The following VSNL1 variants were observed in gnomAD, a reference collection of about 807,000 sequenced individuals.
The protein encoded by VSNL1 is visinin-like protein 1.
VSNL1 carries 6 observed loss-of-function variants against 20.4 expected under a neutral mutation model. The ratio of observed to expected loss-of-function variants is 0.29; its 90% CI spans 0.16 to 0.58. The LOEUF is 0.58. VSNL1 is among the 20% of genes least tolerant of loss of function. The pLI, the probability that VSNL1 is intolerant of heterozygous loss-of-function variation, is 0.90. For missense variants in VSNL1, 100 were observed against 234.5 expected (o/e 0.43, Z 3.75); for synonymous variants, 93 against 86.4 (o/e 1.08, Z -0.42).
intron 3 of VSNL1, among the ~76,000 whole-genome samples, chr2:17,650,429 G>A (rs1012826965): frequency 1.3e-5 from 2 of 152,250 alleles, no homozygotes; most frequent in African/African-American, 4.8e-5. Context: ...TGCCCTCACG[G>A]CTGCATGCCC....
chr2:17,571,140 G>A (rs2103356316), intron 1 of VSNL1, among the ~76,000 whole-genome samples: 1 of 152,218 alleles, frequency 6.6e-6, no homozygotes, highest in African/African-American at 2.4e-5. Flanking sequence ...GAAAGAAATA[G>A]ACTTATGATC....
chr2:17,584,194 C>G (rs1468827596), intron 1 of VSNL1, among the ~76,000 whole-genome samples: 1 of 151,920 alleles, frequency 6.6e-6, no homozygotes, highest in Non-Finnish European at 1.5e-5. Context: ...TACGCTAAGT[C>G]CAGATGAAAA....
At chr2:17,642,882 C>A (rs1418735750) in intron 2 of VSNL1, among the ~76,000 whole-genome samples, 1 of 152,080 alleles carries the variant, frequency 6.6e-6, no homozygotes, top group South Asian at 2.1e-4. Context: ...ATAATGGCTA[C>A]CTTTTGTAAT....
intron 2 of VSNL1, among the ~76,000 whole-genome samples, chr2:17,608,351 A>T (rs998420105): frequency 2.0e-5 from 3 of 152,240 alleles, no homozygotes; most frequent in African/African-American, 7.2e-5. Flanking sequence ...ACGATAAATG[A>T]TGACATCGTG....
In VSNL1 at chr2:17,557,556, T is replaced by C. The variant is rs996111308; in HGVS notation, c.-6+16638T>C. Among the ~76,000 whole-genome samples the C allele has an allele frequency of 3.9e-5, 6 of 152,152 alleles. No homozygotes were observed. In the East Asian group the frequency reaches 1.2e-3, roughly 29 times the overall value. On this transcript the variant is annotated intron_variant, in intron 1 of 3. Transcript: ENST00000295156. ...CTATATTTGGGGCTGCTTGAAATAA[T>C]AGACTCCAGGAAAATCCACTGAGGT...
intron 1 of VSNL1, among the ~76,000 whole-genome samples, chr2:17,573,254 C>T (rs533258559): frequency 1.1e-4 from 16 of 152,274 alleles, no homozygotes; most frequent in Middle Eastern, 3.4e-3. Flanking sequence ...AGAGATGAAA[C>T]TGAAGAGAAA....
intron 1 of VSNL1, among the ~76,000 whole-genome samples, chr2:17,578,513 C>T (rs768295100): frequency 6.6e-5 from 10 of 152,222 alleles, no homozygotes; most frequent in Non-Finnish European, 1.2e-4. Context: ...TATCACTTCA[C>T]ATAACTACTC....
At chr2:17,653,747 T>C (rs1453321236) in intron 3 of VSNL1, among the ~76,000 whole-genome samples, 2 of 152,254 alleles carry the variant, frequency 1.3e-5, no homozygotes, top group East Asian at 3.8e-4. Context: ...AGTTATAACT[T>C]ACAGACCATA....
intron 1 of VSNL1, among the ~76,000 whole-genome samples, chr2:17,554,987 C>T (rs1663638795): frequency 6.6e-6 from 1 of 151,994 alleles, no homozygotes. Flanking sequence ...CAAGGTTTAG[C>T]TCACTGTTCT....
chr2:17,647,080 C>T lies in VSNL1; in HGVS notation c.163-2330C>T, dbSNP rs1666014944. ...TTGTAAAAGTCAGTATATAGACCTTCTGCAAGACACATGTAACTTTTATAG... is the reference window on the plus strand; with the variant it reads ...TTGTAAAAGTCAGTATATAGACCTTTTGCAAGACACATGTAACTTTTATAG... On this transcript the variant is annotated intron_variant, in intron 2 of 3. Transcript: ENST00000295156. 2.6e-5 allele frequency among the ~76,000 whole-genome samples: 4 copies of T among 152,184 alleles called. No homozygotes were observed. The South Asian group carries it at 8.3e-4, about 32-fold the overall frequency.
At chr2:17,583,993 T>C (rs1364540103) in intron 1 of VSNL1, among the ~76,000 whole-genome samples, 1 of 152,182 alleles carries the variant, frequency 6.6e-6, no homozygotes, top group African/African-American at 2.4e-5. Context: ...AAGGCACTGT[T>C]GGAAAAAAGT....
chr2:17,579,768 A>T (rs1664307041), intron 1 of VSNL1, among the ~76,000 whole-genome samples: 1 of 152,222 alleles, frequency 6.6e-6, no homozygotes, highest in African/African-American at 2.4e-5. Context: ...GGATGAAAGA[A>T]TCCTGGAAAA....
intron 1 of VSNL1, among the ~76,000 whole-genome samples, chr2:17,570,281 T>C (rs755120690): frequency 3.3e-5 from 5 of 152,198 alleles, no homozygotes; most frequent in African/African-American, 1.2e-4. Flanking sequence ...GAATAAAGAT[T>C]AACAAAACTG....
rs748790386 is a variant in VSNL1 at position 17,655,403 on chromosome 2, C to G, written c.*9C>G. 5.0e-6 allele frequency: 8 copies of G among 1,601,366 alleles called. No individual in the cohort carries two copies. The South Asian group carries it at 7.7e-5, about 15-fold the overall frequency. ...GCGACATCCAGAAATGAGCTGATGT[C>G]AATGCTATGGACTGCACAAAAGTCT... is the stretch of plus-strand genomic sequence containing the variant. On this transcript the variant is annotated 3_prime_UTR_variant, in exon 4 of 4. Coordinates refer to ENST00000295156, the MANE Select transcript of VSNL1 (RefSeq NM_003385.5). This position sits in a 1 kb window ranked among gnomAD's most constrained non-coding sequence, Gnocchi z 5.2.
intron 1 of VSNL1, among the ~76,000 whole-genome samples, chr2:17,551,671 T>A (rs958646754): frequency 6.6e-6 from 1 of 152,052 alleles, no homozygotes; most frequent in Non-Finnish European, 1.5e-5. Context: ...TAGATCCAAG[T>A]CACCAATGGC....
At chr2:17,593,879 C>G (rs529637294) in intron 2 of VSNL1, among the ~76,000 whole-genome samples, 2 of 152,266 alleles carry the variant, frequency 1.3e-5, no homozygotes, top group East Asian at 3.9e-4. Context: ...AGGGGCTAGT[C>G]CATGCCTTGG....
rs1470655888 is a variant in VSNL1 at position 17,655,495 on chromosome 2, AC to A, written c.*102del. ...CACACACACACACACACACACACAC[AC>A]ACACAAATATTGCTTGGACTACCTA... On this transcript the variant is annotated 3_prime_UTR_variant, in exon 4 of 4. Transcript: ENST00000295156. The surrounding 1 kb of genome is among the most constrained non-coding windows in gnomAD (Gnocchi z 5.2). 37 of 1,105,402 alleles carry A rather than the reference AC, an allele frequency of 3.3e-5. No individual in the cohort carries two copies. Among genetic ancestry groups the A allele is most frequent in the East Asian group, 3.3e-4 (13 of 39,676 alleles). 68.5% of individuals were successfully genotyped at this position (1,105,402 alleles called of 1,614,324 possible).
chr2:17,594,392 G>A (rs533190908), intron 2 of VSNL1, among the ~76,000 whole-genome samples: 10 of 152,246 alleles, frequency 6.6e-5, no homozygotes, highest in Non-Finnish European at 1.3e-4. Context: ...GAAAAAAACC[G>A]CAGCAGAAAT....
At position 17,649,302 on chromosome 2, in the gene VSNL1, G is replaced by C; in HGVS notation, c.163-108G>C. ...GGCCAAACTGCTCTCCAATGGGTGA[G>C]GCTCCGACAACGCCCAGGAGCACCT... is the stretch of plus-strand genomic sequence containing the variant. On this transcript the variant is annotated intron_variant, in intron 2 of 3. Coordinates refer to ENST00000295156, the MANE Select transcript of VSNL1 (RefSeq NM_003385.5). This position sits in a 1 kb window ranked among gnomAD's most constrained non-coding sequence, Gnocchi z 6.4. The C allele has an allele frequency of 9.1e-7, 1 of 1,099,676 alleles. No homozygotes were observed. Among genetic ancestry groups the C allele is most frequent in the East Asian group, 2.4e-5 (1 of 42,062 alleles). 68.1% of individuals were successfully genotyped at this position (1,099,676 alleles called of 1,614,324 possible). A position where few individuals can be genotyped will look rare whatever the true frequency, so the allele number is the denominator to read the frequency against.
Sources: allele counts gnomAD v4.1 joint callset (sites outside exome capture counted in the v4.1 genomes callset), GRCh38; gene constraint gnomAD v4.1.1; non-coding constraint Gnocchi (gnomAD v3.1); transcripts MANE v1.5; gene names NCBI Gene and HGNC (gene_info 2026-07-23, HGNC 2026-07-21).